Variants in MEI4 observed in about 807,000 individuals in gnomAD.
The protein encoded by MEI4 is meiosis-specific protein MEI4.
Under a neutral mutation model 31.4 loss-of-function variants are expected in MEI4, and 27 were observed. That is an observed-to-expected ratio of 0.86 (90% CI 0.63 to 1.19). The LOEUF is 1.19. Among genes scored for constraint, MEI4 ranks in the 50% most tolerant of loss-of-function variants. The pLI is 0.00. For synonymous variants in MEI4, 122 were observed against 145.4 expected (o/e 0.84, Z 1.16); for missense variants, 329 against 398.9 (o/e 0.82, Z 1.49).
intron 1 of MEI4, among the ~76,000 whole-genome samples, chr6:77,660,564 C>T (rs1768485624): frequency 6.6e-6 from 1 of 150,828 alleles, no homozygotes; most frequent in African/African-American, 2.4e-5. Context: ...TTTGGGGGGG[C>T]TTGGCCTAAG....
At chr6:77,681,798 G>GA (rs1478505833) in intron 1 of MEI4, among the ~76,000 whole-genome samples, 3 of 152,022 alleles carry the variant, frequency 2.0e-5, no homozygotes, top group Non-Finnish European at 4.4e-5. Context: ...GGAACAGAAG[G>GA]AAAAAAAGAA....
At chr6:77,866,647 C>T (rs1468005564) in intron 4 of MEI4, among the ~76,000 whole-genome samples, 2 of 152,166 alleles carry the variant, frequency 1.3e-5, no homozygotes, top group South Asian at 2.1e-4. Flanking sequence ...AATGGCCATA[C>T]TGCCCAAAGT....
rs1766756665 is a variant in MEI4 at position 77,923,357 on chromosome 6, T to TA, written c.*12dup. Reference sequence around the variant, plus strand: ...ACTCTTAGAAAATAACTCCATTCCTTAGCAATTTACCACGTTTGAAGCATA... The same window carrying TA: ...ACTCTTAGAAAATAACTCCATTCCTTAAGCAATTTACCACGTTTGAAGCATA... On this transcript the variant is annotated 3_prime_UTR_variant, in exon 5 of 5. Transcript: ENST00000684080. The TA allele has an allele frequency of 4.1e-6, 5 of 1,229,292 alleles. No homozygotes were observed. The highest frequency in any genetic ancestry group is 5.1e-6 in the Non-Finnish European group (5 of 985,910). The allele number at this position is 1,229,292 out of a possible 1,614,324, so 76.1% of individuals were successfully genotyped here.
intron 4 of MEI4, among the ~76,000 whole-genome samples, chr6:77,881,086 C>CT (rs5877573): frequency 1.4e-4 from 20 of 146,390 alleles, no homozygotes; most frequent in South Asian, 6.4e-4. Context: ...TACTTACTGT[C>CT]TTTTTTTTTT....
At chr6:77,684,294 A>G (rs1432914014) in intron 1 of MEI4, among the ~76,000 whole-genome samples, 1 of 152,170 alleles carries the variant, frequency 6.6e-6, no homozygotes, top group Non-Finnish European at 1.5e-5. Context: ...TATGGGGTAC[A>G]TGAGATACTT....
chr6:77,749,822 T>C (rs926734376), intron 2 of MEI4, among the ~76,000 whole-genome samples: 5 of 152,054 alleles, frequency 3.3e-5, no homozygotes, highest in African/African-American at 1.2e-4. Flanking sequence ...AATGATCAGA[T>C]TCACCAAGGT....
chr6:77,915,099 A>C (rs978899118), intron 4 of MEI4, among the ~76,000 whole-genome samples: 1 of 152,000 alleles, frequency 6.6e-6, no homozygotes, highest in Non-Finnish European at 1.5e-5. Context: ...CATTTTACTA[A>C]TTGGTTTCTG....
chr6:77,795,724 G>C (rs1474610655), intron 3 of MEI4, among the ~76,000 whole-genome samples: 1 of 147,946 alleles, frequency 6.8e-6, no homozygotes, highest in Non-Finnish European at 1.5e-5. Flanking sequence ...TGAAGAAATA[G>C]AAAATCTTAA....
At chr6:77,660,352 C>T (rs1025391478) in intron 1 of MEI4, among the ~76,000 whole-genome samples, 2 of 151,984 alleles carry the variant, frequency 1.3e-5, no homozygotes, top group African/African-American at 2.4e-5. Flanking sequence ...TTGGAGGGTG[C>T]CTTGCTAGCA....
intron 1 of MEI4, among the ~76,000 whole-genome samples, chr6:77,655,222 A>G (rs1416464059): frequency 6.6e-6 from 1 of 152,158 alleles, no homozygotes; most frequent in Non-Finnish European, 1.5e-5. Context: ...ATGTCCCTCC[A>G]AAGGACATGA....
chr6:77,781,409 CA>C (rs1318496767), intron 3 of MEI4, among the ~76,000 whole-genome samples: 1 of 152,118 alleles, frequency 6.6e-6, no homozygotes, highest in Non-Finnish European at 1.5e-5. Flanking sequence ...TGTTAATATA[CA>C]TTAAAAACTT....
At chr6:77,905,815 A>G (rs1766282931) in intron 4 of MEI4, among the ~76,000 whole-genome samples, 1 of 150,144 alleles carries the variant, frequency 6.7e-6, no homozygotes, top group South Asian at 2.1e-4. Flanking sequence ...TTTTTTTAAT[A>G]ATATAAGATT....
intron 1 of MEI4, among the ~76,000 whole-genome samples, chr6:77,686,289 A>G (rs1278119869): frequency 1.3e-5 from 2 of 152,168 alleles, no homozygotes; most frequent in African/African-American, 4.8e-5. Context: ...AAGTATAAGT[A>G]AGAAAATAAT....
intron 2 of MEI4, among the ~76,000 whole-genome samples, chr6:77,753,182 A>G (rs1029605351): frequency 1.4e-4 from 22 of 152,244 alleles, no homozygotes; most frequent in African/African-American, 5.3e-4. Context: ...CATTCAGGAC[A>G]TAGGCATGGG....
At chr6:77,848,623 T>A (rs1466099589) in intron 4 of MEI4, among the ~76,000 whole-genome samples, 1 of 152,096 alleles carries the variant, frequency 6.6e-6, no homozygotes, top group Non-Finnish European at 1.5e-5. Context: ...CACTTGTTGG[T>A]TGTGATGCAG....
chr6:77,890,190 T>C (rs1771724994), intron 4 of MEI4, among the ~76,000 whole-genome samples: 1 of 152,110 alleles, frequency 6.6e-6, no homozygotes, highest in South Asian at 2.1e-4. Flanking sequence ...GCTTGCACTG[T>C]GTGCCTGGAA....
intron 4 of MEI4, among the ~76,000 whole-genome samples, chr6:77,895,212 G>A (rs1766059267): frequency 1.3e-5 from 2 of 152,104 alleles, no homozygotes; most frequent in African/African-American, 4.8e-5. Context: ...CACACTCTTT[G>A]AGATTTTGTT....
intron 4 of MEI4, among the ~76,000 whole-genome samples, chr6:77,864,746 A>G (rs961047187): frequency 6.6e-6 from 1 of 152,230 alleles, no homozygotes; most frequent in African/African-American, 2.4e-5. Flanking sequence ...AGACATCTAA[A>G]GAACTCTCCA....
At chr6:77,812,247 T>G (rs867425962) in intron 3 of MEI4, among the ~76,000 whole-genome samples, 8 of 152,104 alleles carry the variant, frequency 5.3e-5, no homozygotes, top group Non-Finnish European at 7.4e-5. Flanking sequence ...CTCATATGAA[T>G]AATTATTTTT....
Sources: gnomAD v4.1 joint callset for allele counts (sites outside exome capture counted in the v4.1 genomes callset) on GRCh38, gnomAD v4.1.1 for gene constraint, MANE v1.5 for transcripts, NCBI Gene and HGNC (gene_info 2026-07-23, HGNC 2026-07-21) for gene names.